Variants in RFX2 observed in about 807,000 individuals in gnomAD.
The protein encoded by RFX2 is DNA-binding protein RFX2.
RFX2 carries 20 observed loss-of-function variants against 87.8 expected under a neutral mutation model. The observed-to-expected ratio is 0.23, with a 90% CI of 0.16 to 0.33. The LOEUF (loss-of-function observed/expected upper bound fraction) is 0.33. Ranked by LOEUF, RFX2 falls within the 10% of genes least tolerant of loss-of-function variation. RFX2 has a pLI of 1.00. For missense variants in RFX2, 767 were observed against 1,012.3 expected (o/e 0.76, Z 3.29); for synonymous variants, 397 against 431.3 (o/e 0.92, Z 0.98).
At chr19:5,995,666 G>A in intron 16 of RFX2, 23 bp from the exon 17 acceptor site, 1 of 1,551,718 alleles carries the variant, frequency 6.4e-7, no homozygotes. Context: ...CCTGGAGTCA[G>A]GGGCGCCTGC....
At position 5,994,903 on chromosome 19, in the gene RFX2, G is replaced by C. The variant is rs746803880; in HGVS notation, c.2104C>G (p.Arg702Gly). 3.7e-6 allele frequency: 6 copies of C among 1,609,678 alleles called. No homozygotes were observed. The highest frequency in any genetic ancestry group is 4.2e-6 in the Non-Finnish European group (5 of 1,179,892). ...QRGSEAGPDARSLGEPLVKRE... is the reference protein window; with the variant it reads ...QRGSEAGPDAGSLGEPLVKRE... ...TTTACCAGGGGCTCACCCAGGCTGC[G>C]GGCGTCTGGGCCCGCCTCGCTGCCA... Residue 702 changes from arginine to glycine, a missense_variant, in exon 18 of 18, where the codon CGC becomes GGC. By Grantham distance (125) the Arg-to-Gly change is moderately radical. Around this residue, in one of 2 missense-constraint regions of RFX2, gnomAD observed 621 missense variants for 873.0 expected, o/e 0.71. Transcript: ENST00000303657.
intron 1 of RFX2, among the ~76,000 whole-genome samples, chr19:6,104,882 G>A (rs950213062): frequency 6.6e-5 from 10 of 152,134 alleles, no homozygotes; most frequent in Admixed American, 4.6e-4. Context: ...CACTTTGGGA[G>A]GCCGAGGTGG....
At chr19:6,075,533 G>T (rs1482882900) in intron 1 of RFX2, among the ~76,000 whole-genome samples, 1 of 152,232 alleles carries the variant, frequency 6.6e-6, no homozygotes, top group Non-Finnish European at 1.5e-5. Flanking sequence ...AGCCAGCCAG[G>T]TTTGCTGACG....
chr19:6,088,472 A>G (rs1330632319), intron 1 of RFX2, among the ~76,000 whole-genome samples: 1 of 151,916 alleles, frequency 6.6e-6, no homozygotes, highest in Non-Finnish European at 1.5e-5. Context: ...CAGCCTCCCA[A>G]AGTGCTGGGA....
At chr19:6,048,854 C>T (rs942244032) in intron 1 of RFX2, among the ~76,000 whole-genome samples, 2 of 151,960 alleles carry the variant, frequency 1.3e-5, no homozygotes, top group African/African-American at 4.8e-5. Context: ...GGACTATTCC[C>T]CGACCACCAC....
At chr19:6,038,390 A>C (rs2087054640) in intron 5 of RFX2, among the ~76,000 whole-genome samples, 1 of 151,882 alleles carries the variant, frequency 6.6e-6, no homozygotes, top group Admixed American at 6.6e-5. Flanking sequence ...TTTTCAAAGA[A>C]AACAGGAGAA....
rs1255240209 is a variant in RFX2, at chr19:6,002,942, G to A, written c.1501-72C>T. 7.3e-6 allele frequency: 11 copies of A among 1,507,158 alleles called. No individual in the cohort carries two copies. Among genetic ancestry groups the A allele is most frequent in the Admixed American group, 2.0e-5 (1 of 50,228 alleles). 93.4% of individuals were successfully genotyped at this position (1,507,158 alleles called of 1,614,324 possible). The stretch of plus-strand genomic sequence containing the variant: ...GTTCCGCTGCGCTCCTTGCAGGGGT[G>A]TGTGGGCTCAGGGACAACACAGGGA... On this transcript the variant is annotated intron_variant, in intron 13 of 17. Transcript: ENST00000303657. This position sits in a 1 kb window ranked among gnomAD's most constrained non-coding sequence, Gnocchi z 6.7.
rs367892701 is a variant in RFX2 at position 6,108,840 on chromosome 19, C to T, written c.-9+1553G>A. Reference sequence around the variant, plus strand: ...CCGGCAGCCGCCAGAATGGCCCGGGCGCTTGGGGCCCTCGGGGGCCCTTGA... The same window carrying T: ...CCGGCAGCCGCCAGAATGGCCCGGGTGCTTGGGGCCCTCGGGGGCCCTTGA... On this transcript the variant is annotated intron_variant, in intron 1 of 17. Coordinates refer to ENST00000303657, the MANE Select transcript of RFX2 (RefSeq NM_000635.4). Among the ~76,000 whole-genome samples, 14 of 152,272 alleles carry T rather than the reference C, an allele frequency of 9.2e-5. No individual in the cohort carries two copies. The East Asian group carries it at 2.5e-3, about 27-fold the overall frequency.
chr19:6,098,132 A>G (rs924147694), intron 1 of RFX2, among the ~76,000 whole-genome samples: 4 of 152,172 alleles, frequency 2.6e-5, no homozygotes, highest in Non-Finnish European at 5.9e-5. Context: ...GTCATACATG[A>G]TTTTATCTAT....
rs2086549812 is a variant in RFX2 at position 6,004,507 on chromosome 19, G to A, written c.1403-209C>T. Among the ~76,000 whole-genome samples the A allele has an allele frequency of 6.6e-6, 1 of 152,214 alleles. No homozygotes were observed. The highest frequency in any genetic ancestry group is 6.5e-5 in the Admixed American group (1 of 15,284). On this transcript the variant is annotated intron_variant, in intron 12 of 17. Transcript: ENST00000303657. The surrounding 1 kb of genome is among the most constrained non-coding windows in gnomAD (Gnocchi z 4.8). The stretch of plus-strand genomic sequence containing the variant: ...CTGGTCACCACCCACTGCCTATGCG[G>A]GTCTCACAGGGGCGATTCTGCCCCA...
intron 1 of RFX2, among the ~76,000 whole-genome samples, chr19:6,062,063 G>C (rs956842721): frequency 6.6e-6 from 1 of 152,138 alleles, no homozygotes; most frequent in African/African-American, 2.4e-5. Flanking sequence ...TTGGGAGGTT[G>C]AGGCCAGAGG....
At chr19:6,073,672 A>C in intron 1 of RFX2, 1 of 254,922 alleles carries the variant, frequency 3.9e-6, no homozygotes, top group Non-Finnish European at 7.6e-6. Context: ...GGAAGGCTGA[A>C]TGGATGAAAG....
Position 6,013,466 on chromosome 19 carries a change from G to A in RFX2, c.780-361C>T, listed in dbSNP as rs1433456753. ...CTCCCAAAGTGCTGGGATTACAGGC[G>A]TGAGCCACTGCGCCTGGCCTCTTCT... On this transcript the variant is annotated intron_variant, in intron 7 of 17. Coordinates refer to ENST00000303657, the MANE Select transcript of RFX2 (RefSeq NM_000635.4). This position sits in a 1 kb window ranked among gnomAD's most constrained non-coding sequence, Gnocchi z 4.1. Among the ~76,000 whole-genome samples the A allele has an allele frequency of 6.6e-6, 1 of 150,766 alleles. No individual in the cohort carries two copies. Among genetic ancestry groups the A allele is most frequent in the African/African-American group, 2.4e-5 (1 of 40,832 alleles).
At chr19:6,046,409 C>T (rs963745647) in intron 2 of RFX2, among the ~76,000 whole-genome samples, 2 of 151,680 alleles carry the variant, frequency 1.3e-5, no homozygotes, top group East Asian at 1.9e-4. Flanking sequence ...GGTGAAACCT[C>T]GTCTCTACTA....
intron 1 of RFX2, among the ~76,000 whole-genome samples, chr19:6,093,183 A>G (rs942209047): frequency 6.6e-6 from 1 of 152,200 alleles, no homozygotes; most frequent in African/African-American, 2.4e-5. Context: ...ATATTTGGAC[A>G]CGGGTGCTTA....
rs1158895001 is a variant in RFX2 at position 6,017,142 on chromosome 19, T to C, written c.598-871A>G. Among the ~76,000 whole-genome samples the C allele has an allele frequency of 6.6e-6, 1 of 152,136 alleles. No homozygotes were observed. The highest frequency in any genetic ancestry group is 1.5e-5 in the Non-Finnish European group (1 of 68,024). ...TACTTGGGAGGCTGAGGTGGGAGGA[T>C]TGCTTGAGCCCAGGAGGTTGAGGCT... On this transcript the variant is annotated intron_variant, in intron 6 of 17. Coordinates refer to ENST00000303657, the MANE Select transcript of RFX2 (RefSeq NM_000635.4). The surrounding 1 kb of genome is among the most constrained non-coding windows in gnomAD (Gnocchi z 4.1).
At chr19:6,059,002 CAGAGTCTTGCTCTGTCACCCAGACT>C (rs1246866755) in intron 1 of RFX2, among the ~76,000 whole-genome samples, 50 of 151,614 alleles carry the variant, frequency 3.3e-4, no homozygotes, top group African/African-American at 1.1e-3. Context: ...TTTTTTCAGA[CAGAGTCTTGCTCTGTCACCCAGACT>C]AGAGTGCAGT....
rs778779069 is a variant in RFX2 at position 6,002,704 on chromosome 19, G to A, written c.1650+17C>T. ...GGCGGGAAGCCCGGGCCCTGGGGAC[G>A]GTGTGGAGGAAGTCACCTGCACGTT... On this transcript the variant is annotated intron_variant, in intron 14 of 17. Coordinates refer to ENST00000303657, the MANE Select transcript of RFX2 (RefSeq NM_000635.4). The surrounding 1 kb of genome is among the most constrained non-coding windows in gnomAD (Gnocchi z 6.7). The A allele has an allele frequency of 1.4e-5, 23 of 1,611,502 alleles. No homozygotes were observed. Among genetic ancestry groups the A allele is most frequent in the South Asian group, 8.8e-5 (8 of 90,988 alleles).
Position 6,004,052 on chromosome 19 carries a change from G to C in RFX2, c.1500+149C>G. ...TGCCAGCACTGACGCGTCACCGGCA[G>C]TGTGCTCAGGGCTTCCTGAAGGGAT... is the stretch of plus-strand genomic sequence containing the variant. On this transcript the variant is annotated intron_variant, in intron 13 of 17. Transcript: ENST00000303657. This position sits in a 1 kb window ranked among gnomAD's most constrained non-coding sequence, Gnocchi z 4.8. 1.5e-6 allele frequency: 1 copy of C among 658,796 alleles called. No individual in the cohort carries two copies. The highest frequency in any genetic ancestry group is 2.8e-6 in the Non-Finnish European group (1 of 363,390). 40.8% of individuals were successfully genotyped at this position (658,796 alleles called of 1,614,324 possible).
Sources: allele counts gnomAD v4.1 joint callset (sites outside exome capture counted in the v4.1 genomes callset), GRCh38; gene constraint gnomAD v4.1.1; regional missense constraint gnomAD v4.1.1; non-coding constraint Gnocchi (gnomAD v3.1); transcripts MANE v1.5; gene names NCBI Gene and HGNC (gene_info 2026-07-23, HGNC 2026-07-21).